Variants in POLE observed in about 807,000 individuals in gnomAD.
POLE encodes DNA polymerase epsilon, catalytic subunit.
POLE carries 188 observed loss-of-function variants against 279.2 expected under a neutral mutation model. That is an observed-to-expected ratio of 0.67 (90% CI 0.60 to 0.76). The LOEUF (loss-of-function observed/expected upper bound fraction) is 0.76, where lower values mean the gene tolerates loss of function less well. Ranked by LOEUF, POLE falls within the 30% of genes least tolerant of loss-of-function variation. POLE has a pLI of 0.00. For missense variants in POLE, 2,703 were observed against 3,016.7 expected (o/e 0.90, Z 2.44); for synonymous variants, 1,214 against 1,172.5 (o/e 1.04, Z -0.72).
rs139402036 is a variant in POLE at position 132,682,122 on chromosome 12, G to A, written c.63-843C>T. ...CATCCTGCTAATACAGTGAAACCCC[G>A]TCTTTACTAAAAATACAAAAACTTA... is the stretch of plus-strand genomic sequence containing the variant. On this transcript the variant is annotated intron_variant, in intron 1 of 48. Coordinates refer to ENST00000320574, the MANE Select transcript of POLE (RefSeq NM_006231.4). 3.4e-3 allele frequency among the ~76,000 whole-genome samples: 515 copies of A among 152,064 alleles called. 3 individuals carry two copies. The highest frequency in any genetic ancestry group is 0.022 in the Admixed American group (332 of 15,278).
At position 132,624,036 on chromosome 12, in the gene POLE, CA is replaced by C; in HGVS notation, c.*660del. 4.9e-6 allele frequency: 1 copy of C among 202,134 alleles called. No individual in the cohort carries two copies. Among genetic ancestry groups the C allele is most frequent in the Non-Finnish European group, 1.0e-5 (1 of 98,462 alleles). The allele number at this position is 202,134 out of a possible 1,614,324, so 12.5% of individuals were successfully genotyped here. On this transcript the variant is annotated 3_prime_UTR_variant, in exon 49 of 49. Coordinates refer to ENST00000320574, the MANE Select transcript of POLE (RefSeq NM_006231.4). ...GTGAAGGACAAGGGCTGCAGTGAGCCAAAAGTGAGGTGCACAGAGGTCTTGT... is the reference window on the plus strand; with the variant it reads ...GTGAAGGACAAGGGCTGCAGTGAGCCAAAGTGAGGTGCACAGAGGTCTTGT...
intron 39 of POLE, chr12:132,640,884 C>T: frequency 2.4e-6 from 1 of 424,492 alleles, no homozygotes. Context: ...TGCCTCCCTG[C>T]CTCTTTCCAC....
intron 19 of POLE, among the ~76,000 whole-genome samples, 166 bp from the exon 20 acceptor site, chr12:132,667,814 G>A (rs2042831133): frequency 6.6e-6 from 1 of 152,160 alleles, no homozygotes; most frequent in South Asian, 2.1e-4. Flanking sequence ...GGGCACGGTG[G>A]CTCACACCTG....
rs1180847207 is a variant in POLE at position 132,639,919 on chromosome 12, C to A, written c.5379-621G>T. 6.6e-6 allele frequency among the ~76,000 whole-genome samples: 1 copy of A among 152,064 alleles called. No individual in the cohort carries two copies. Among genetic ancestry groups the A allele is most frequent in the African/African-American group, 2.4e-5 (1 of 41,378 alleles). On this transcript the variant is annotated intron_variant, in intron 39 of 48. Transcript: ENST00000320574. The surrounding 1 kb of genome is among the most constrained non-coding windows in gnomAD (Gnocchi z 4.7). ...CCAAGATGGTGCCACTGCATTCCAG[C>A]CTGGGTGACAGAGTGAGACTGTCTC...
chr12:132,663,904 C>T, intron 23 of POLE, 100 bp downstream of exon 23: 1 of 1,283,454 alleles, frequency 7.8e-7, no homozygotes, highest in Admixed American at 1.8e-5. Flanking sequence ...GTGCTGGGTG[C>T]CAGGAAGGCA....
intron 39 of POLE, chr12:132,640,999 C>T (rs891446080): frequency 5.5e-5 from 25 of 456,590 alleles, no homozygotes; most frequent in Non-Finnish European, 1.0e-4. Context: ...ATTACAAAGA[C>T]TTGTTTTTGA....
In POLE at chr12:132,639,480, T is replaced by C. The variant is rs1237667554; in HGVS notation, c.5379-182A>G. ...CGGTCCAAATTTCATCCCTTCACCC[T>C]CATGCCTCATCTGTTTCTTCCCATT... On this transcript the variant is annotated intron_variant, in intron 39 of 48. Transcript: ENST00000320574. This position sits in a 1 kb window ranked among gnomAD's most constrained non-coding sequence, Gnocchi z 4.7. Among the ~76,000 whole-genome samples the C allele has an allele frequency of 6.6e-6, 1 of 152,208 alleles. No homozygotes were observed. Among genetic ancestry groups the C allele is most frequent in the African/African-American group, 2.4e-5 (1 of 41,442 alleles).
chr12:132,680,303 A>G (rs2136030075), intron 3 of POLE, 81 bp from the exon 4 acceptor site: 7 of 1,320,702 alleles, frequency 5.3e-6, no homozygotes, highest in Non-Finnish European at 7.7e-6. Flanking sequence ...GCTTGCTCCT[A>G]TATCCCATGA....
Position 132,677,632 on chromosome 12 carries a change from G to A in POLE, c.666C>T (p.Arg222=), listed in dbSNP as rs1357052511. The A allele has an allele frequency of 8.1e-6, 13 of 1,613,988 alleles. No homozygotes were observed. Among genetic ancestry groups the A allele is most frequent in the African/African-American group, 1.3e-5 (1 of 74,894 alleles). Residue 222 remains arginine (R), a synonymous_variant, in exon 7 of 49, where the codon CGC becomes CGT. Coordinates refer to ENST00000320574, the MANE Select transcript of POLE (RefSeq NM_006231.4). The stretch of plus-strand genomic sequence containing the variant: ...GGATGTGGTAGGGAACATCGTACTC[G>A]CGCATGTCCACAATGTTGTCCAACT... ...ADQLDNIVDM[R]EYDVPYHIRL...
At position 132,673,619 on chromosome 12, in the gene POLE, G is replaced by C. The variant is rs2135999602; in HGVS notation, c.1315C>G (p.Leu439Val). ...KAKLGYDPVELDPEDMCRMAT... is the reference protein window; with the variant it reads ...KAKLGYDPVEVDPEDMCRMAT... ...ATCCGGCACATGTCCTCCGGGTCTA[G>C]CTCCACGGGATCATAGCCTAGCTTG... is the stretch of plus-strand genomic sequence containing the variant. The change falls in exon 13 of 49, where the codon CTA becomes GTA. Residue 439 changes from leucine to valine, a missense_variant. By Grantham distance (32) the Leu-to-Val change is conservative. Around this residue, in one of 5 missense-constraint regions of POLE, gnomAD observed 1,011 missense variants for 1,111.7 expected, o/e 0.91. Transcript: ENST00000320574. 1.2e-6 allele frequency: 2 copies of C among 1,613,778 alleles called. No individual in the cohort carries two copies. Among genetic ancestry groups the C allele is most frequent in the Non-Finnish European group, 1.7e-6 (2 of 1,179,996 alleles).
In POLE at chr12:132,624,682, G is replaced by T; in HGVS notation, c.*15C>A. 2.0e-6 allele frequency: 3 copies of T among 1,536,368 alleles called. No individual in the cohort carries two copies. The highest frequency in any genetic ancestry group is 1.1e-5 in the South Asian group (1 of 89,464). On this transcript the variant is annotated 3_prime_UTR_variant, in exon 49 of 49. Transcript: ENST00000320574. The stretch of plus-strand genomic sequence containing the variant: ...GCCTGGCACGGACGCAGAGGCACCC[G>T]GGGCCCGGGGCTGGCTAATGGCCCA...
rs2138528689 is a variant in POLE at position 132,642,165 on chromosome 12, C to T, written c.5173+12G>A. The T allele has an allele frequency of 2.6e-6, 4 of 1,531,012 alleles. No individual in the cohort carries two copies. The South Asian group carries it at 3.8e-5, about 15-fold the overall frequency. The allele number at this position is 1,531,012 out of a possible 1,614,324, so 94.8% of individuals were successfully genotyped here. A position where few individuals can be genotyped will look rare whatever the true frequency, so the allele number is the denominator to read the frequency against. On this transcript the variant is annotated intron_variant, in intron 38 of 48. Transcript: ENST00000320574. ...GCCAGGTCTCATGGGCCTCGTCCTC[C>T]CGCCCACTTACCTGTGGAGTAACAG...
intron 29 of POLE, among the ~76,000 whole-genome samples, chr12:132,656,523 T>C (rs1269777905): frequency 4.6e-5 from 7 of 152,066 alleles, no homozygotes; most frequent in Admixed American, 2.6e-4. Context: ...TACGCCTGGC[T>C]AATTTTTTGT....
At chr12:132,677,850 G>C in intron 6 of POLE, 131 bp from the exon 7 acceptor site, 1 of 868,488 alleles carries the variant, frequency 1.2e-6, no homozygotes, top group Non-Finnish European at 1.8e-6. Flanking sequence ...AATTGATGTG[G>C]TTTCAACGAC....
intron 38 of POLE, 97 bp from the exon 39 acceptor site, chr12:132,641,948 G>C (rs535176604): frequency 1.7e-6 from 2 of 1,199,854 alleles, no homozygotes; most frequent in South Asian, 2.6e-5. Flanking sequence ...TCCAGAACCA[G>C]CAACAGACCT....
intron 47 of POLE, 143 bp from the exon 48 acceptor site, chr12:132,625,137 T>A (rs1341505429): frequency 1.6e-5 from 11 of 694,908 alleles, no homozygotes; most frequent in Non-Finnish European, 2.8e-5. Context: ...CCCTCGGTTA[T>A]GAGTAAAATG....
intron 15 of POLE, 124 bp from the exon 16 acceptor site, chr12:132,672,446 C>T: frequency 2.9e-6 from 3 of 1,040,326 alleles, no homozygotes; most frequent in Non-Finnish European, 4.4e-6. Flanking sequence ...GACTCATGTG[C>T]ACAATCTGCA....
At chr12:132,643,763 T>C in intron 33 of POLE, 74 bp downstream of exon 33, 1 of 1,545,988 alleles carries the variant, frequency 6.5e-7, no homozygotes, top group South Asian at 1.2e-5. Flanking sequence ...GCCCACACCC[T>C]GGGCGGGTTT....
intron 32 of POLE, among the ~76,000 whole-genome samples, chr12:132,646,617 A>G (rs2138581373): frequency 6.6e-6 from 1 of 152,060 alleles, no homozygotes; most frequent in Non-Finnish European, 1.5e-5. Flanking sequence ...GGATTACCTG[A>G]GGTCAGGAGT....
Sources: allele counts gnomAD v4.1 joint callset (sites outside exome capture counted in the v4.1 genomes callset), GRCh38; gene constraint gnomAD v4.1.1; regional missense constraint gnomAD v4.1.1; non-coding constraint Gnocchi (gnomAD v3.1); transcripts MANE v1.5; gene names NCBI Gene and HGNC (gene_info 2026-07-23, HGNC 2026-07-21).